NAALADL2: variants seen among roughly 807,000 people sequenced by gnomAD.
NAALADL2 encodes N-acetylated alpha-linked acidic dipeptidase like 2, also known as inactive N-acetylated-alpha-linked acidic dipeptidase-like protein 2.
A neutral mutation model predicts 87.2 loss-of-function variants in NAALADL2; 76 were observed. The ratio of observed to expected loss-of-function variants is 0.87; its 90% CI spans 0.72 to 1.05. The LOEUF (loss-of-function observed/expected upper bound fraction) is 1.05, where lower values mean the gene tolerates loss of function less well. Ranked by LOEUF, NAALADL2 falls within the 50% of genes least tolerant of loss-of-function variation. The pLI is 0.00. For missense variants in NAALADL2, 1,089 were observed against 945.8 expected (o/e 1.15, Z -1.99); for synonymous variants, 354 against 331.0 (o/e 1.07, Z -0.75).
chr3:175,780,323 G>A (rs916431174), intron 13 of NAALADL2, among the ~76,000 whole-genome samples: 2 of 151,346 alleles, frequency 1.3e-5, no homozygotes, highest in Admixed American at 1.3e-4. Flanking sequence ...GTCTAGTATG[G>A]GACTGATTAA....
intron 2 of NAALADL2, among the ~76,000 whole-genome samples, chr3:174,622,823 G>A (rs1578346963): frequency 2.0e-5 from 3 of 152,052 alleles, no homozygotes; most frequent in South Asian, 2.1e-4. Flanking sequence ...GGCGAATCAC[G>A]AGGTCGGGAG....
chr3:174,511,246 A>G (rs1344459661), intron 1 of NAALADL2, among the ~76,000 whole-genome samples: 3 of 151,870 alleles, frequency 2.0e-5, no homozygotes, highest in Admixed American at 2.0e-4. Flanking sequence ...TTGTTTTATC[A>G]ATTGCTGAGA....
intron 5 of NAALADL2, among the ~76,000 whole-genome samples, chr3:175,325,329 T>C (rs1581428880): frequency 1.3e-5 from 2 of 152,244 alleles, no homozygotes; most frequent in African/African-American, 2.4e-5. Context: ...TATTGCTTTT[T>C]CTTCTATATG....
intron 3 of NAALADL2, among the ~76,000 whole-genome samples, chr3:174,751,540 G>T (rs1578784351): frequency 6.6e-6 from 1 of 151,486 alleles, no homozygotes; most frequent in Admixed American, 6.6e-5. Flanking sequence ...GCACACGCCT[G>T]TAATCCCAGC....
At chr3:175,774,892 TA>T (rs769998623) in intron 13 of NAALADL2, 4 of 152,084 alleles carry the variant, frequency 2.6e-5, no homozygotes, top group Non-Finnish European at 4.4e-5. Context: ...ATTTCTTTTT[TA>T]TGTAGTTTAA....
chr3:174,461,396 T>G (rs1398737177), intron 1 of NAALADL2, among the ~76,000 whole-genome samples: 1 of 152,110 alleles, frequency 6.6e-6, no homozygotes, highest in Non-Finnish European at 1.5e-5. Flanking sequence ...TCAATAAAGT[T>G]TATCAGTTTG....
At position 174,606,241 on chromosome 3, in the gene NAALADL2, G is replaced by A. The variant is rs180714049; in HGVS notation, c.-115+55604G>A. ...GGGAAAAAACAGAGCAGAAAAACTG[G>A]AAACTTTAAAAAGCAGAGCGCCTCT... On this transcript the variant is annotated intron_variant, in intron 2 of 3. Coordinates refer to the NAALADL2 transcript ENST00000434257. Among the ~76,000 whole-genome samples the A allele has an allele frequency of 5.7e-3, 872 of 152,278 alleles. 12 individuals are homozygous for A. Among genetic ancestry groups the A allele is most frequent in the African/African-American group, 0.02 (827 of 41,562 alleles).
chr3:175,302,894 G>A (rs999309765), intron 4 of NAALADL2, among the ~76,000 whole-genome samples: 1 of 151,686 alleles, frequency 6.6e-6, no homozygotes, highest in Admixed American at 6.6e-5. Context: ...ATATTTGTGA[G>A]TAAAGGATTG....
At chr3:175,440,744 A>G (rs948660364) in intron 5 of NAALADL2, among the ~76,000 whole-genome samples, 7 of 152,122 alleles carry the variant, frequency 4.6e-5, no homozygotes, top group Non-Finnish European at 1.0e-4. Context: ...TTTAATCCTG[A>G]AACTTTGCTG....
intron 5 of NAALADL2, among the ~76,000 whole-genome samples, chr3:175,341,052 A>T (rs548766202): frequency 6.6e-6 from 1 of 152,196 alleles, no homozygotes; most frequent in South Asian, 2.1e-4. Context: ...ACCATTTTAA[A>T]TACTGTTTTT....
At chr3:175,623,236 C>T (rs554711886) in intron 10 of NAALADL2, among the ~76,000 whole-genome samples, 6 of 147,102 alleles carry the variant, frequency 4.1e-5, no homozygotes, top group South Asian at 2.2e-4. Flanking sequence ...TCTAGAAAAC[C>T]GAATTTATTT....
At chr3:175,792,716 A>G (rs1752945111) in intron 13 of NAALADL2, among the ~76,000 whole-genome samples, 1 of 152,234 alleles carries the variant, frequency 6.6e-6, no homozygotes, top group South Asian at 2.1e-4. Context: ...ACATTGGCTT[A>G]ACTGACGTAA....
At chr3:175,664,108 CTG>C (rs1433426352) in intron 11 of NAALADL2, among the ~76,000 whole-genome samples, 1 of 151,916 alleles carries the variant, frequency 6.6e-6, no homozygotes, top group Non-Finnish European at 1.5e-5. Flanking sequence ...AATCTTAAGA[CTG>C]TTATAATATT....
chr3:175,768,507 C>T (rs780994246), intron 13 of NAALADL2, among the ~76,000 whole-genome samples: 31 of 152,142 alleles, frequency 2.0e-4, no homozygotes, highest in Non-Finnish European at 3.7e-4. Context: ...GGGATAGAAC[C>T]TGTTTGCAGC....
intron 1 of NAALADL2, among the ~76,000 whole-genome samples, chr3:174,512,868 T>A (rs995441544): frequency 6.6e-6 from 1 of 152,174 alleles, no homozygotes; most frequent in Non-Finnish European, 1.5e-5. Flanking sequence ...GATGGGCACA[T>A]AAAGCCTGGT....
intron 5 of NAALADL2, among the ~76,000 whole-genome samples, chr3:175,324,912 T>C (rs1760496266): frequency 6.6e-6 from 1 of 152,200 alleles, no homozygotes; most frequent in Admixed American, 6.5e-5. Context: ...CTGTTCATGA[T>C]AGTAGGGATC....
In NAALADL2 at chr3:175,234,063, T is replaced by C; in HGVS notation, c.678T>C (p.Pro226=). ...NYSVLLDLPG[P]SPSTVTLSSS... ...CTGTGCTGCTTGATCTGCCAGGCCC[T>C]TCTCCCAGCACTGTGACTCTGAGCA... The change falls in exon 3 of 14, where the codon CCT becomes CCC. Residue 226 remains proline, a synonymous_variant. Transcript: ENST00000454872. 6.2e-7 allele frequency: 1 copy of C among 1,613,950 alleles called. No individual in the cohort carries two copies. Among genetic ancestry groups the C allele is most frequent in the Non-Finnish European group, 8.5e-7 (1 of 1,179,852 alleles).
intron 1 of NAALADL2, among the ~76,000 whole-genome samples, chr3:174,501,474 A>G (rs1479720962): frequency 6.6e-6 from 1 of 151,964 alleles, no homozygotes; most frequent in Admixed American, 6.6e-5. Flanking sequence ...GATTTTTGAG[A>G]CTTTGCTTTT....
intron 2 of NAALADL2, among the ~76,000 whole-genome samples, chr3:174,557,843 T>C (rs1713038955): frequency 6.6e-6 from 1 of 151,928 alleles, no homozygotes. Context: ...AAAGAAAGGG[T>C]GTATGGGGAA....
Sources: allele counts gnomAD v4.1 joint callset (sites outside exome capture counted in the v4.1 genomes callset), GRCh38; gene constraint gnomAD v4.1.1; transcripts MANE v1.5; gene names NCBI Gene and HGNC (gene_info 2026-07-23, HGNC 2026-07-21).